Variants in RFWD3 observed in about 807,000 individuals in gnomAD.
The protein encoded by RFWD3 is E3 ubiquitin-protein ligase RFWD3.
Under a neutral mutation model 87.7 loss-of-function variants are expected in RFWD3, and 65 were observed. The ratio of observed to expected loss-of-function variants is 0.74; its 90% CI spans 0.61 to 0.91. The LOEUF is 0.91. Ranked by LOEUF, RFWD3 falls within the 40% of genes least tolerant of loss-of-function variation. The pLI, the probability that RFWD3 is intolerant of heterozygous loss-of-function variation, is 0.00. For synonymous variants in RFWD3, 433 were observed against 352.8 expected, an observed-to-expected ratio of 1.23 and a Z score of -2.55; for missense variants, 1,078 against 938.5, an observed-to-expected ratio of 1.15 and a Z score of -1.94.
intron 1 of RFWD3, 133 bp from the exon 2 acceptor site, chr16:74,661,584 A>G: frequency 1.2e-6 from 1 of 835,114 alleles, no homozygotes; most frequent in Non-Finnish European, 1.8e-6. Context: ...CTTCAAGAGA[A>G]GATTTTAACT....
chr16:74,636,251 T>C (rs1185119313), intron 8 of RFWD3, 95 bp downstream of exon 8: 2 of 1,091,150 alleles, frequency 1.8e-6, no homozygotes, highest in Non-Finnish European at 2.7e-6. Flanking sequence ...AAAGGTGATT[T>C]GGTAACCTTT....
chr16:74,663,030 G>A (rs1007377390), intron 1 of RFWD3, among the ~76,000 whole-genome samples: 8 of 151,604 alleles, frequency 5.3e-5, no homozygotes, highest in Non-Finnish European at 1.2e-4. Context: ...TCAGCCTCCC[G>A]AGTAGCTGGG....
chr16:74,664,471 C>G (rs1258068453), intron 1 of RFWD3: 1 of 152,150 alleles, frequency 6.6e-6, no homozygotes, highest in Non-Finnish European at 1.5e-5. Context: ...TCAAATTCGG[C>G]CAGGAGCTGT....
chr16:74,651,957 A>G lies in RFWD3; in HGVS notation c.684T>C (p.Val228=), dbSNP rs1465269993. 6.2e-7 allele frequency: 1 copy of G among 1,614,016 alleles called. No individual in the cohort carries two copies. Among genetic ancestry groups the G allele is most frequent in the Admixed American group, 1.7e-5 (1 of 60,012 alleles). ...SDSSAEYGGV[V]DQAEESGAVI... ...CAGCTCCAGATTCCTCTGCCTGGTC[A>G]ACAACCCCTCCATACTCTGCAGAGC... Residue 228 remains valine (V), a synonymous_variant, in exon 3 of 13, where the codon GTT becomes GTC. Transcript: ENST00000361070.
intron 8 of RFWD3, among the ~76,000 whole-genome samples, chr16:74,633,141 G>A (rs1959154243): frequency 6.6e-6 from 1 of 152,016 alleles, no homozygotes; most frequent in Non-Finnish European, 1.5e-5. Flanking sequence ...GCCAGGCGTG[G>A]TGGCAAGTTC....
intron 1 of RFWD3, chr16:74,664,296 A>C (rs1961701741): frequency 1.3e-5 from 2 of 152,190 alleles, no homozygotes; most frequent in African/African-American, 4.8e-5. Flanking sequence ...CAGTCTCCCA[A>C]GAATTGTGTG....
At chr16:74,642,763 G>T (rs986548023) in intron 6 of RFWD3, among the ~76,000 whole-genome samples, 129 of 152,272 alleles carry the variant, frequency 8.5e-4, no homozygotes, top group Middle Eastern at 3.4e-3. Context: ...AAAGTGCTGG[G>T]ATTACAGGCA....
chr16:74,651,370 C>T (rs964353100), intron 3 of RFWD3, among the ~76,000 whole-genome samples: 3 of 152,136 alleles, frequency 2.0e-5, no homozygotes, highest in Admixed American at 6.6e-5. Context: ...GTAATCCCAG[C>T]ACTTTGGGAG....
At chr16:74,663,093 C>T (rs1270122995) in intron 1 of RFWD3, among the ~76,000 whole-genome samples, 1 of 151,732 alleles carries the variant, frequency 6.6e-6, no homozygotes, top group Non-Finnish European at 1.5e-5. Context: ...TTTAGTACAG[C>T]CGGGGTTTCA....
chr16:74,660,935 G>A lies in RFWD3; in HGVS notation c.515C>T (p.Ala172Val). The change falls in exon 2 of 13, where the codon GCC (alanine) becomes GTC (valine). Residue 172 changes from alanine to valine, a missense_variant. Ala to Val is a moderately conservative substitution (Grantham distance 64, BLOSUM62 0). Coordinates refer to ENST00000361070, the MANE Select transcript of RFWD3 (RefSeq NM_018124.4). The stretch of plus-strand genomic sequence containing the variant: ...ACTTATCCATATATTTATTTACCTG[G>A]CACTGTCTGTCCTCTGAGACCCTCC... ...RAGGSQRTDS[A>V]RLRAPLDAYF... 6.2e-7 allele frequency: 1 copy of A among 1,610,876 alleles called. No homozygotes were observed.
In RFWD3 at chr16:74,637,133, A is replaced by AAC. The variant is rs1464456155; in HGVS notation, c.1195-557_1195-556insGT. On this transcript the variant is annotated intron_variant, in intron 7 of 12. Transcript: ENST00000361070. ...CGTTTAAAGTCCTTTAAAAAAAAAA[A>AAC]AAAAAAAAAAAACAACTTAAAAGGA... Among the ~76,000 whole-genome samples, 92 of 150,254 alleles carry AAC rather than the reference A, an allele frequency of 6.1e-4. 1 individual carries two copies. The highest frequency in any genetic ancestry group is 2.2e-3 in the African/African-American group (89 of 40,878).
At chr16:74,627,682 C>T (rs4887782) in intron 11 of RFWD3, among the ~76,000 whole-genome samples, 151,599 of 152,316 alleles carry the variant, frequency 1, 75,450 homozygotes, top group Middle Eastern at 1. Flanking sequence ...CCTGCCAGTA[C>T]AAACAAGTTT....
chr16:74,657,827 T>C (rs1210743127), intron 2 of RFWD3, among the ~76,000 whole-genome samples: 1 of 152,158 alleles, frequency 6.6e-6, no homozygotes, highest in Non-Finnish European at 1.5e-5. Context: ...TTTCTTGAGA[T>C]TCTAAGTGAA....
intron 1 of RFWD3, among the ~76,000 whole-genome samples, chr16:74,662,685 C>A (rs1961551067): frequency 6.6e-6 from 1 of 152,156 alleles, no homozygotes; most frequent in Non-Finnish European, 1.5e-5. Context: ...ATGGGTTTCA[C>A]TGATGAACAG....
At chr16:74,626,225 G>A (rs1046570531) in intron 12 of RFWD3, 118 bp downstream of exon 12, 1 of 852,552 alleles carries the variant, frequency 1.2e-6, no homozygotes, top group African/African-American at 1.7e-5. Context: ...TGGGATTACA[G>A]AGCAGAACTT....
intron 2 of RFWD3, among the ~76,000 whole-genome samples, chr16:74,660,245 G>C (rs1392419018): frequency 6.6e-6 from 1 of 152,198 alleles, no homozygotes; most frequent in Non-Finnish European, 1.5e-5. Context: ...GCTCCAGCCT[G>C]GGCGACAGAG....
chr16:74,660,859 T>C, intron 2 of RFWD3, 73 bp downstream of exon 2: 1 of 1,512,822 alleles, frequency 6.6e-7, no homozygotes. Flanking sequence ...CTGTCAGTCC[T>C]TGAATGGCAG....
chr16:74,644,872 T>C (rs571636746), intron 4 of RFWD3, 137 bp from the exon 5 acceptor site: 9 of 692,674 alleles, frequency 1.3e-5, no homozygotes, highest in East Asian at 5.4e-5. Flanking sequence ...GTAACACCTA[T>C]GAATCACTTG....
chr16:74,624,968 C>G (rs771811419), intron 12 of RFWD3, among the ~76,000 whole-genome samples: 1 of 151,132 alleles, frequency 6.6e-6, no homozygotes, highest in Non-Finnish European at 1.5e-5. Flanking sequence ...CAGCCTGGAC[C>G]GAGTAAGATA....
Sources: gnomAD v4.1 joint callset for allele counts (sites outside exome capture counted in the v4.1 genomes callset) on GRCh38, gnomAD v4.1.1 for gene constraint, MANE v1.5 for transcripts, NCBI Gene and HGNC (gene_info 2026-07-23, HGNC 2026-07-21) for gene names.